The following ZNF217 variants were observed in gnomAD, a reference collection of about 807,000 sequenced individuals.
The protein encoded by ZNF217 is zinc finger protein 217.
Under a neutral mutation model 73.3 loss-of-function variants are expected in ZNF217, and 12 were observed. The observed-to-expected ratio is 0.16, with a 90% confidence interval of 0.10 to 0.27. The LOEUF is 0.27. ZNF217 is among the 10% of genes least tolerant of loss of function. The pLI is 1.00. For synonymous variants in ZNF217, 588 were observed against 516.4 expected (o/e 1.14, Z -1.88); for missense variants, 1,195 against 1,327.8 (o/e 0.90, Z 1.55).
chr20:53,581,613 G>A lies in ZNF217; in HGVS notation c.1214C>T (p.Ala405Val), dbSNP rs766725891. Reference protein sequence around the residue: ...RVHKKDRRAGAESPTMSVDGR... With the variant: ...RVHKKDRRAGVESPTMSVDGR... ...GTCCACAGACATGGTGGGCGACTCC[G>A]CGCCGGCCCTCCGGTCCTTCTTGTG... is the stretch of plus-strand genomic sequence containing the variant. The change falls in exon 2 of 6, where the codon GCG becomes GTG. Residue 405 changes from alanine (A) to valine (V), a missense_variant. By Grantham distance (64) the Ala-to-Val change is moderately conservative. Around this residue, in one of 9 missense-constraint regions of ZNF217, gnomAD observed 116 missense variants for 121.9 expected, o/e 0.95. Coordinates refer to ENST00000371471, the MANE Select transcript of ZNF217 (RefSeq NM_006526.3). The surrounding 1 kb of genome is among the most constrained non-coding windows in gnomAD (Gnocchi z 4.9). The A allele has an allele frequency of 2.2e-5, 36 of 1,614,080 alleles. No homozygotes were observed. The highest frequency in any genetic ancestry group is 2.9e-5 in the Non-Finnish European group (34 of 1,180,026).
Position 53,584,976 on chromosome 20 carries a change from T to C in ZNF217, c.-342-1808A>G, listed in dbSNP as rs569533481. ...ATTTATTTGAGGTCCTTCCTACTTTTAGATGCTAAAATACGCTTATTTTTT... is the reference window on the plus strand; with the variant it reads ...ATTTATTTGAGGTCCTTCCTACTTTCAGATGCTAAAATACGCTTATTTTTT... On this transcript the variant is annotated intron_variant, in intron 1 of 5. Coordinates refer to ENST00000371471, the MANE Select transcript of ZNF217 (RefSeq NM_006526.3). Among the ~76,000 whole-genome samples the C allele has an allele frequency of 1.1e-4, 17 of 151,462 alleles. No individual in the cohort carries two copies. In the South Asian group the frequency reaches 1.9e-3, roughly 17 times the overall value.
chr20:53,577,085 A>C lies in ZNF217; in HGVS notation c.1679T>G (p.Phe560Cys). 1 of 1,614,194 alleles carries C rather than the reference A, an allele frequency of 6.2e-7. No homozygotes were observed. The highest frequency in any genetic ancestry group is 8.5e-7 in the Non-Finnish European group (1 of 1,180,036). Residue 560 changes from phenylalanine (F) to cysteine (C), a missense_variant, in exon 4 of 6, where the codon TTT becomes TGT. Phe to Cys is a radical substitution (Grantham distance 205). Around this residue, in one of 9 missense-constraint regions of ZNF217, gnomAD observed 649 missense variants for 642.8 expected, o/e 1.01. Coordinates refer to ENST00000371471, the MANE Select transcript of ZNF217 (RefSeq NM_006526.3). ...TGTAACATCTTTGGCACCATCAAAA[A>C]ATCTTTTCAAATTTTTGGTTTGCGC... Reference protein sequence around the residue: ...DSAQTKNLKRFFDGAKDVTGS... With the variant: ...DSAQTKNLKRCFDGAKDVTGS...
upstream of ZNF217, chr20:53,597,484 A>C (rs1320456780): frequency 2.0e-4 from 30 of 152,168 alleles, no homozygotes; most frequent in Non-Finnish European, 1.5e-5. Flanking sequence ...AAGTAGGAAT[A>C]ACAAACAGCT....
intron 1 of ZNF217, among the ~76,000 whole-genome samples, chr20:53,593,431 ACCGCCCACCC>A (rs1988953458): frequency 1.4e-5 from 1 of 70,736 alleles, no homozygotes; most frequent in Non-Finnish European, 3.0e-5. Flanking sequence ...ACAGCCCCCC[ACCGCCCACCC>A]CCGCAGACCC....
intron 1 of ZNF217, among the ~76,000 whole-genome samples, chr20:53,585,046 T>G (rs1332206061): frequency 1.4e-5 from 2 of 144,750 alleles, no homozygotes; most frequent in African/African-American, 5.4e-5. Flanking sequence ...GTTTTTTGGT[T>G]TTTTTTTTAA....
At chr20:53,592,380 T>A (rs1174610161) in intron 1 of ZNF217, among the ~76,000 whole-genome samples, 1 of 136,872 alleles carries the variant, frequency 7.3e-6, no homozygotes, top group Non-Finnish European at 1.6e-5. Context: ...TACCCTTTTC[T>A]GGGGGGTGGG....
At chr20:53,594,294 C>T (rs1175770999), upstream of ZNF217, among the ~76,000 whole-genome samples, 1 of 151,194 alleles carries the variant, frequency 6.6e-6, no homozygotes, top group Admixed American at 6.6e-5. Context: ...TGCGCCCTCC[C>T]TCGGCCCCGC....
Position 53,575,873 on chromosome 20 carries a change from T to C in ZNF217, c.2891A>G (p.Gln964Arg), listed in dbSNP as rs765848836. 2 of 1,614,200 alleles carry C rather than the reference T, an allele frequency of 1.2e-6. No individual in the cohort carries two copies. Among genetic ancestry groups the C allele is most frequent in the South Asian group, 2.2e-5 (2 of 91,082 alleles). ...GAACCTTGGTTTGGGAGGCAGCGCC[T>C]GCGACGGATACACACAGTCCTGCGG... ...LLPQDCVYPS[Q>R]ALPPKPRFLS... Residue 964 changes from glutamine to arginine, a missense_variant, in exon 4 of 6, where the codon CAG (glutamine) becomes CGG (arginine). Gln to Arg is a conservative substitution (Grantham distance 43). This residue lies in a region of ZNF217 where 649 missense variants were observed against 642.8 expected (regional missense o/e 1.01). Coordinates refer to ENST00000371471, the MANE Select transcript of ZNF217 (RefSeq NM_006526.3).
intron 1 of ZNF217, among the ~76,000 whole-genome samples, chr20:53,591,366 CAAAT>C (rs1179494960): frequency 1.3e-5 from 2 of 152,158 alleles, no homozygotes; most frequent in African/African-American, 4.8e-5. Context: ...CTTCTGTAGG[CAAAT>C]AAAGACAATT....
At chr20:53,571,562 G>A (rs189191394) in intron 5 of ZNF217, among the ~76,000 whole-genome samples, 159 bp downstream of exon 5, 213 of 151,792 alleles carry the variant, frequency 1.4e-3, no homozygotes, top group African/African-American at 4.4e-3. Context: ...CCGCCACCAC[G>A]CCCAGCTAAA....
intron 2 of ZNF217, among the ~76,000 whole-genome samples, chr20:53,579,380 A>G (rs915422129): frequency 3.3e-5 from 5 of 151,724 alleles, no homozygotes; most frequent in Middle Eastern, 3.4e-3. Flanking sequence ...CTAAAGAAAG[A>G]AAAAAAAATT....
chr20:53,590,752 A>G (rs66678311), intron 1 of ZNF217, among the ~76,000 whole-genome samples: 23,994 of 152,198 alleles, frequency 0.16, 2,137 homozygotes, highest in South Asian at 0.23. Flanking sequence ...AAATGTTGTT[A>G]AGAGAGAAAA....
rs747627401 is a variant in ZNF217, at chr20:53,569,207, T to C, written c.*81A>G. 1 of 1,351,294 alleles carries C rather than the reference T, an allele frequency of 7.4e-7. No homozygotes were observed. The highest frequency in any genetic ancestry group is 9.9e-7 in the Non-Finnish European group (1 of 1,014,180). 83.7% of individuals were successfully genotyped at this position (1,351,294 alleles called of 1,614,324 possible). On this transcript the variant is annotated 3_prime_UTR_variant, in exon 6 of 6. Transcript: ENST00000371471. The stretch of plus-strand genomic sequence containing the variant: ...TTCAGTAGCTTTCACCATTCGCTTC[T>C]CAAAGGATGAAGTAAAATTTAATTT...
Position 53,581,615 on chromosome 20 carries a change from G to T in ZNF217, c.1212C>A (p.Gly404=), listed in dbSNP as rs566066263. The change falls in exon 2 of 6, where the codon GGC becomes GGA. Residue 404 remains glycine, a synonymous_variant. Transcript: ENST00000371471. This position sits in a 1 kb window ranked among gnomAD's most constrained non-coding sequence, Gnocchi z 4.9. ...CCACAGACATGGTGGGCGACTCCGC[G>T]CCGGCCCTCCGGTCCTTCTTGTGGA... ...SRVHKKDRRA[G]AESPTMSVDG... The T allele has an allele frequency of 5.6e-6, 9 of 1,614,182 alleles. No homozygotes were observed. The highest frequency in any genetic ancestry group is 7.6e-6 in the Non-Finnish European group (9 of 1,180,032).
chr20:53,595,787 A>T (rs1989031453), upstream of ZNF217, among the ~76,000 whole-genome samples: 2 of 152,226 alleles, frequency 1.3e-5, no homozygotes, highest in Admixed American at 1.3e-4. Context: ...CACATTCTAA[A>T]ACACAGTCCA....
chr20:53,592,598 G>A (rs1188822241), intron 1 of ZNF217, among the ~76,000 whole-genome samples: 2 of 142,694 alleles, frequency 1.4e-5, no homozygotes, highest in Admixed American at 1.5e-4. Flanking sequence ...CCCGGGCCCT[G>A]AACATCTTCT....
intron 1 of ZNF217, among the ~76,000 whole-genome samples, chr20:53,585,894 GAATT>G (rs1349265711): frequency 6.6e-6 from 1 of 152,096 alleles, no homozygotes; most frequent in African/African-American, 2.4e-5. Context: ...CAAAACAGCA[GAATT>G]CTTTCTCCAG....
intron 1 of ZNF217, among the ~76,000 whole-genome samples, chr20:53,585,967 G>A (rs1600727486): frequency 1.3e-5 from 2 of 152,178 alleles, no homozygotes; most frequent in African/African-American, 2.4e-5. Context: ...AGGCTCCCAG[G>A]GCCACAGCAA....
Position 53,578,361 on chromosome 20 carries a change from G to C in ZNF217, c.1456C>G (p.Leu486Val). 1.3e-6 allele frequency: 2 copies of C among 1,595,016 alleles called. No homozygotes were observed. Among genetic ancestry groups the C allele is most frequent in the Non-Finnish European group, 1.7e-6 (2 of 1,173,406 alleles). ...CGKFFRSNYY[L>V]NIHLRTHTGE... is the part of the protein sequence containing the mutation. ...GTATGCGTTCTGAGATGAATATTGA[G>C]GTAATAATTTGAACGGAAAAACTTT... Residue 486 changes from leucine to valine, a missense_variant, in exon 3 of 6, where the codon CTC (leucine) becomes GTC (valine). Transcript: ENST00000371471.
Sources: allele counts gnomAD v4.1 joint callset (sites outside exome capture counted in the v4.1 genomes callset), GRCh38; gene constraint gnomAD v4.1.1; regional missense constraint gnomAD v4.1.1; non-coding constraint Gnocchi (gnomAD v3.1); transcripts MANE v1.5; gene names NCBI Gene and HGNC (gene_info 2026-07-23, HGNC 2026-07-21).